TRMT9B: variants seen among roughly 807,000 people sequenced by gnomAD.
The protein encoded by TRMT9B is tRNA methyltransferase 9B (putative).
Under a neutral mutation model 11.5 loss-of-function variants are expected in TRMT9B, and 16 were observed. The ratio of observed to expected loss-of-function variants is 1.39; its 90% CI spans 0.94 to 2.11. The LOEUF is 2.11. Among genes scored for constraint, TRMT9B ranks in the 30% most tolerant of loss-of-function variants. The probability of loss-of-function intolerance (pLI) is 0.00; values close to 1 mark genes in which losing one functional copy is unlikely to be tolerated. For missense variants in TRMT9B, 941 were observed against 553.8 expected, an observed-to-expected ratio of 1.70 and a Z score of -7.02; for synonymous variants, 274 against 192.4, an observed-to-expected ratio of 1.42 and a Z score of -3.51.
intron 2 of TRMT9B, among the ~76,000 whole-genome samples, chr8:12,991,290 A>C (rs1214759029): frequency 2.0e-5 from 3 of 152,240 alleles, no homozygotes; most frequent in Non-Finnish European, 4.4e-5. Context: ...ACATATTTTT[A>C]AATGAGATTT....
At chr8:13,020,517 G>C (rs191091662) in intron 4 of TRMT9B, among the ~76,000 whole-genome samples, 5 of 152,270 alleles carry the variant, frequency 3.3e-5, no homozygotes, top group Middle Eastern at 3.4e-3. Flanking sequence ...TATCTAGACA[G>C]AGAAACAATC....
chr8:13,008,868 A>G (rs920582390), intron 3 of TRMT9B, among the ~76,000 whole-genome samples: 5 of 152,176 alleles, frequency 3.3e-5, no homozygotes, highest in Middle Eastern at 6.8e-3. Context: ...AGCTGGGACT[A>G]CAGTTGCCCG....
intron 4 of TRMT9B, among the ~76,000 whole-genome samples, chr8:13,018,005 C>T (rs76786827): frequency 0.023 from 3,406 of 149,656 alleles, 120 homozygotes; most frequent in African/African-American, 0.079. Context: ...ATAATATGAA[C>T]GACTGATATT....
At chr8:12,977,658 G>A (rs111849739) in intron 1 of TRMT9B, among the ~76,000 whole-genome samples, 12 of 151,964 alleles carry the variant, frequency 7.9e-5, no homozygotes, top group South Asian at 2.1e-4. Flanking sequence ...CTGAGATCAC[G>A]CAACTGCATT....
At chr8:12,987,151 G>C (rs1250776316) in intron 1 of TRMT9B, among the ~76,000 whole-genome samples, 3 of 152,118 alleles carry the variant, frequency 2.0e-5, no homozygotes, top group African/African-American at 7.2e-5. Flanking sequence ...AAATTATCTG[G>C]GTTCAAATCC....
Position 13,021,650 on chromosome 8 carries a change from T to A in TRMT9B, c.971T>A (p.Leu324Gln). 6.2e-7 allele frequency: 1 copy of A among 1,613,810 alleles called. No individual in the cohort carries two copies. The highest frequency in any genetic ancestry group is 1.3e-5 in the African/African-American group (1 of 75,014). Residue 324 changes from leucine to glutamine, a missense_variant, in exon 5 of 5, where the codon CTG becomes CAG. Coordinates refer to ENST00000524591, the MANE Select transcript of TRMT9B (RefSeq NM_020844.3). Reference sequence around the variant, plus strand: ...TCTTCTGGAAAACACTTGGAGTGGCTGAGAGCACCAGGCACTCTGAAACAT... The same window carrying A: ...TCTTCTGGAAAACACTTGGAGTGGCAGAGAGCACCAGGCACTCTGAAACAT... ...ESSSGKHLEW[L>Q]RAPGTLKHLN...
intron 1 of TRMT9B, chr8:12,960,157 C>G (rs1006172712): frequency 6.6e-6 from 1 of 152,188 alleles, no homozygotes; most frequent in Non-Finnish European, 1.5e-5. Flanking sequence ...GCTGCATTTA[C>G]TATATGGGAA....
At chr8:13,020,652 A>G (rs1563452283) in intron 4 of TRMT9B, among the ~76,000 whole-genome samples, 1 of 152,196 alleles carries the variant, frequency 6.6e-6, no homozygotes, top group East Asian at 1.9e-4. Flanking sequence ...AGTAATTCAC[A>G]TTGACCATCC....
chr8:12,984,326 A>T (rs1251386224), intron 1 of TRMT9B, among the ~76,000 whole-genome samples: 1 of 152,202 alleles, frequency 6.6e-6, no homozygotes, highest in Admixed American at 6.5e-5. Flanking sequence ...AAACTGTAAT[A>T]ACCCCATGAG....
chr8:13,013,405 C>T (rs1202685727), intron 4 of TRMT9B, among the ~76,000 whole-genome samples: 3 of 152,130 alleles, frequency 2.0e-5, no homozygotes, highest in Admixed American at 6.5e-5. Flanking sequence ...AGAGATCGTT[C>T]ATGAGTCTAG....
chr8:12,948,908 C>T (rs974511126), intron 1 of TRMT9B, among the ~76,000 whole-genome samples: 14 of 152,160 alleles, frequency 9.2e-5, no homozygotes, highest in Admixed American at 9.2e-4. Flanking sequence ...TGCAGTGAGC[C>T]GAGATCGCAC....
chr8:12,985,379 T>C (rs951247401), intron 1 of TRMT9B, among the ~76,000 whole-genome samples: 1 of 152,214 alleles, frequency 6.6e-6, no homozygotes, highest in Non-Finnish European at 1.5e-5. Flanking sequence ...ATTAAGGAGT[T>C]CTGTGTAGAG....
chr8:12,980,932 T>C (rs995117577), intron 1 of TRMT9B, among the ~76,000 whole-genome samples: 1 of 151,162 alleles, frequency 6.6e-6, no homozygotes, highest in Admixed American at 6.6e-5. Context: ...GAATTCTTTT[T>C]TGTTTGTTTG....
chr8:12,981,843 C>A (rs1470510071), intron 1 of TRMT9B, among the ~76,000 whole-genome samples: 1 of 152,096 alleles, frequency 6.6e-6, no homozygotes, highest in Non-Finnish European at 1.5e-5. Context: ...AAGTGATCAT[C>A]CTGCCTCAGC....
intron 3 of TRMT9B, chr8:13,011,993 G>A (rs1002434720): frequency 1.3e-4 from 131 of 985,200 alleles, no homozygotes; most frequent in Non-Finnish European, 1.5e-4. Context: ...AATAAAAGCC[G>A]AAACATGCGT....
intron 1 of TRMT9B, among the ~76,000 whole-genome samples, chr8:12,989,196 C>G (rs1233994003): frequency 6.6e-6 from 1 of 152,116 alleles, no homozygotes; most frequent in Non-Finnish European, 1.5e-5. Context: ...AGACCTTGCC[C>G]TAGAAGATGG....
intron 1 of TRMT9B, among the ~76,000 whole-genome samples, chr8:12,986,636 T>C (rs1806357076): frequency 6.6e-6 from 1 of 152,348 alleles, no homozygotes; most frequent in Non-Finnish European, 1.5e-5. Context: ...AGTTTATATA[T>C]GGCCATTACT....
intron 1 of TRMT9B, among the ~76,000 whole-genome samples, chr8:12,987,021 G>A (rs1806430881): frequency 3.3e-5 from 5 of 152,128 alleles, no homozygotes; most frequent in Admixed American, 3.3e-4. Context: ...TTCAGAAGCT[G>A]GACTAGGTCC....
chr8:12,984,807 T>C (rs1805980730), intron 1 of TRMT9B, among the ~76,000 whole-genome samples: 1 of 152,096 alleles, frequency 6.6e-6, no homozygotes, highest in African/African-American at 2.4e-5. Flanking sequence ...AAAACCAAAA[T>C]GAATTGTAAT....
Sources: allele counts gnomAD v4.1 joint callset (sites outside exome capture counted in the v4.1 genomes callset), GRCh38; gene constraint gnomAD v4.1.1; transcripts MANE v1.5; gene names NCBI Gene and HGNC (gene_info 2026-07-23, HGNC 2026-07-21).